FYCO1: variants seen among roughly 807,000 people sequenced by gnomAD.
FYCO1 encodes FYVE and coiled-coil domain autophagy adaptor 1, also known as FYVE and coiled-coil domain-containing protein 1.
A neutral mutation model predicts 165.1 loss-of-function variants in FYCO1; 122 were observed. The observed-to-expected ratio is 0.74, with a 90% CI of 0.64 to 0.86. FYCO1 has a LOEUF of 0.86. FYCO1 is among the 40% of genes least tolerant of loss of function. The probability of loss-of-function intolerance (pLI) is 0.00; values close to 1 mark genes in which losing one functional copy is unlikely to be tolerated. For synonymous variants in FYCO1, 648 were observed against 742.5 expected, an observed-to-expected ratio of 0.87 and a Z score of 2.07; for missense variants, 1,702 against 1,810.3, an observed-to-expected ratio of 0.94 and a Z score of 1.09.
chr3:45,929,919 CTG>C (rs1336296931), intron 16 of FYCO1, among the ~76,000 whole-genome samples: 1 of 152,182 alleles, frequency 6.6e-6, no homozygotes, highest in East Asian at 1.9e-4. Flanking sequence ...GCAGGAACTG[CTG>C]TGTGGCCCAA....
chr3:45,938,341 T>A, intron 14 of FYCO1: 2 of 717,204 alleles, frequency 2.8e-6, no homozygotes, highest in Non-Finnish European at 4.3e-6. Context: ...TTTCAATAGG[T>A]TTTCAAACTG....
At chr3:45,938,111 T>A in intron 14 of FYCO1, 1 of 760,158 alleles carries the variant, frequency 1.3e-6, no homozygotes, top group African/African-American at 1.8e-5. Flanking sequence ...GCATTCAGGA[T>A]AAAAGATGTC....
At chr3:45,953,318 A>G (rs1403870911) in intron 14 of FYCO1, among the ~76,000 whole-genome samples, 1 of 152,184 alleles carries the variant, frequency 6.6e-6, no homozygotes, top group Non-Finnish European at 1.5e-5. Context: ...CAGAGGGAAA[A>G]TGGGTCAAGA....
chr3:45,983,392 C>T (rs1174288987), intron 2 of FYCO1, among the ~76,000 whole-genome samples: 1 of 152,212 alleles, frequency 6.6e-6, no homozygotes, highest in East Asian at 1.9e-4. Flanking sequence ...CGTTTACCAA[C>T]AGATGAAAGT....
chr3:45,958,914 G>C (rs1705526958), intron 12 of FYCO1, among the ~76,000 whole-genome samples: 1 of 152,194 alleles, frequency 6.6e-6, no homozygotes, highest in Admixed American at 6.5e-5. Context: ...CAGAAGCTAA[G>C]GCTCTAAGAG....
Position 45,936,532 on chromosome 3 carries a change from G to T in FYCO1, c.3956C>A (p.Ser1319Ter). 1.2e-6 allele frequency: 2 copies of T among 1,611,230 alleles called. No individual in the cohort carries two copies. Among genetic ancestry groups the T allele is most frequent in the Non-Finnish European group, 1.7e-6 (2 of 1,177,350 alleles). ...AGTGTCCTCAGGCGTTAGCGAGGTT[G>T]ATGTAGTATCCCTGAAATGTCACAA... is the stretch of plus-strand genomic sequence containing the variant. ...DPNAAEQDTTSTSLTPEDTED... is the reference protein window; with the variant it reads ...DPNAAEQDTT Residue 1319 changes from serine to a stop codon, truncating the protein, a stop_gained, in exon 15 of 18, where the codon TCA becomes TAA. Transcript: ENST00000296137. LOFTEE classifies it high-confidence loss of function.
At chr3:45,971,035 T>C (rs1170622578) in intron 6 of FYCO1, among the ~76,000 whole-genome samples, 3 of 150,570 alleles carry the variant, frequency 2.0e-5, no homozygotes, top group Admixed American at 1.3e-4. Flanking sequence ...AGCTGATCTA[T>C]AATATTTTAT....
intron 15 of FYCO1, among the ~76,000 whole-genome samples, chr3:45,935,691 C>T (rs1575333439): frequency 1.3e-5 from 2 of 152,336 alleles, no homozygotes; most frequent in South Asian, 4.1e-4. Context: ...GCAAGCACTA[C>T]CTTGTAACAT....
In FYCO1 at chr3:45,919,091, A is replaced by C. The variant is rs1703008200; in HGVS notation, c.*2674T>G. On this transcript the variant is annotated 3_prime_UTR_variant, in exon 18 of 18. Transcript: ENST00000296137. Reference sequence around the variant, plus strand: ...CTTTTAAAAAAAAAAAAAAAGAGTGATCTGGGATCCCAAGGACGCTTCCTT... The same window carrying C: ...CTTTTAAAAAAAAAAAAAAAGAGTGCTCTGGGATCCCAAGGACGCTTCCTT... 1 of 148,042 alleles carries C rather than the reference A, an allele frequency of 6.8e-6. No individual in the cohort carries two copies. The allele number at this position is 148,042 out of a possible 1,614,324, so 9.2% of individuals were successfully genotyped here.
Position 45,936,469 on chromosome 3 carries a change from A to T in FYCO1, c.4019T>A (p.Leu1340Gln), listed in dbSNP as rs768977392. The T allele has an allele frequency of 6.2e-7, 1 of 1,613,678 alleles. No individual in the cohort carries two copies. Among genetic ancestry groups the T allele is most frequent in the Non-Finnish European group, 8.5e-7 (1 of 1,179,544 alleles). Residue 1340 changes from leucine (L) to glutamine (Q), a missense_variant, in exon 15 of 18, where the codon CTG becomes CAG. Transcript: ENST00000296137. ...TTACATCAGTTCTCCAGACTTCAGC[A>T]GGCAGATTTCCGAATCCTGCCCCAC... ...MPVGQDSEIC[L>Q]LKSGELMIKV...
At chr3:45,974,346 G>A (rs1368476840) in intron 5 of FYCO1, among the ~76,000 whole-genome samples, 1 of 152,110 alleles carries the variant, frequency 6.6e-6, no homozygotes, top group Non-Finnish European at 1.5e-5. Context: ...GCACTCCCGC[G>A]TGGGCAAAAA....
chr3:45,931,401 C>CTGGGTA lies in FYCO1; in HGVS notation c.4041-126_4041-121dup, dbSNP rs957200767. The CTGGGTA allele has an allele frequency of 1.2e-4, 112 of 904,368 alleles. No individual in the cohort carries two copies. In the Admixed American group the frequency reaches 2.2e-3, roughly 18 times the overall value. The allele number at this position is 904,368 out of a possible 1,614,324, so 56.0% of individuals were successfully genotyped here. On this transcript the variant is annotated intron_variant, in intron 15 of 17. Transcript: ENST00000296137. Reference sequence around the variant, plus strand: ...TCGGAGACTCTTGAGAGGACAAGCCCTGGGTAACCTTGGCCAACATGCTTA... The same window carrying CTGGGTA: ...TCGGAGACTCTTGAGAGGACAAGCCCTGGGTATGGGTAACCTTGGCCAACATGCTTA...
chr3:45,986,835 G>A (rs1472888664), intron 1 of FYCO1, among the ~76,000 whole-genome samples: 1 of 152,158 alleles, frequency 6.6e-6, no homozygotes, highest in Admixed American at 6.5e-5. Flanking sequence ...GAGCCAGAGA[G>A]GATAAGAACC....
chr3:45,984,406 G>A (rs777928211), intron 2 of FYCO1, among the ~76,000 whole-genome samples: 1 of 152,200 alleles, frequency 6.6e-6, no homozygotes, highest in Non-Finnish European at 1.5e-5. Flanking sequence ...CCCAGGCAAT[G>A]GGCCATCCGC....
intron 6 of FYCO1, among the ~76,000 whole-genome samples, chr3:45,970,586 T>G (rs1295546651): frequency 6.6e-6 from 1 of 152,212 alleles, no homozygotes; most frequent in Non-Finnish European, 1.5e-5. Context: ...CATTCTTTTT[T>G]TTTGAAAAGG....
chr3:45,951,962 C>T (rs565333448), intron 14 of FYCO1, among the ~76,000 whole-genome samples: 1 of 152,178 alleles, frequency 6.6e-6, no homozygotes, highest in Non-Finnish European at 1.5e-5. Flanking sequence ...GGGCAAAATG[C>T]GGACATGGGA....
Position 45,918,770 on chromosome 3 carries a change from A to T in FYCO1, c.*2995T>A, listed in dbSNP as rs1388245173. ...CTTGAGTTATATGACGTGGCTTTTC[A>T]TTTCTATTCTCCAAACCCTGTGGAG... is the stretch of plus-strand genomic sequence containing the variant. On this transcript the variant is annotated 3_prime_UTR_variant, in exon 18 of 18. Transcript: ENST00000296137. 3 of 152,066 alleles carry T rather than the reference A, an allele frequency of 2.0e-5. No individual in the cohort carries two copies. Among genetic ancestry groups the T allele is most frequent in the African/African-American group, 7.2e-5 (3 of 41,400 alleles). The allele number at this position is 152,066 out of a possible 1,614,324, so 9.4% of individuals were successfully genotyped here. A position where few individuals can be genotyped will look rare whatever the true frequency, so the allele number is the denominator to read the frequency against.
At chr3:45,969,910 C>T (rs2125855294) in intron 6 of FYCO1, 145 bp from the exon 7 acceptor site, 1 of 618,496 alleles carries the variant, frequency 1.6e-6, no homozygotes, top group East Asian at 2.8e-5. Context: ...ACAGATTCCA[C>T]CAAAGAGCAC....
chr3:45,968,050 C>T lies in FYCO1; in HGVS notation c.1284G>A (p.Leu428=). Residue 428 remains leucine (L), a synonymous_variant, in exon 8 of 18, where the codon CTG becomes CTA. Coordinates refer to ENST00000296137, the MANE Select transcript of FYCO1 (RefSeq NM_024513.4). ...EEVNRQQSAQ[L]EQLVKELQLK... ...GCTGAAGCTCCTTGACCAGCTGTTC[C>T]AGTTGGGCACTCTGCTGTCTGTTGA... is the stretch of plus-strand genomic sequence containing the variant. 2 of 1,614,176 alleles carry T rather than the reference C, an allele frequency of 1.2e-6. No homozygotes were observed. The highest frequency in any genetic ancestry group is 1.7e-6 in the Non-Finnish European group (2 of 1,180,036).
Sources: allele counts gnomAD v4.1 joint callset (sites outside exome capture counted in the v4.1 genomes callset), GRCh38; gene constraint gnomAD v4.1.1; transcripts MANE v1.5; gene names NCBI Gene and HGNC (gene_info 2026-07-23, HGNC 2026-07-21).